EFCAB6: variants seen among roughly 807,000 people sequenced by gnomAD.
The protein encoded by EFCAB6 is EF-hand calcium binding domain 6, also known as EF-hand calcium-binding domain-containing protein 6.
Under a neutral mutation model 169.8 loss-of-function variants are expected in EFCAB6, and 156 were observed. The ratio of observed to expected loss-of-function variants is 0.92; its 90% CI spans 0.81 to 1.05. EFCAB6 has a LOEUF of 1.05. EFCAB6 is among the 50% of genes least tolerant of loss of function. The pLI is 0.00. For missense variants in EFCAB6, 1,800 were observed against 1,829.1 expected (o/e 0.98, Z 0.29); for synonymous variants, 698 against 676.4 (o/e 1.03, Z -0.50).
intron 17 of EFCAB6, among the ~76,000 whole-genome samples, chr22:43,656,068 C>G (rs563836244): frequency 6.6e-6 from 1 of 152,352 alleles, no homozygotes; most frequent in African/African-American, 2.4e-5. Context: ...ACACACTTCA[C>G]TCATCACTTA....
Position 43,540,151 on chromosome 22 carries a change from C to A in EFCAB6, c.3855G>T (p.Gly1285=), listed in dbSNP as rs1298369624. The A allele has an allele frequency of 1.9e-6, 3 of 1,614,044 alleles. No individual in the cohort carries two copies. The highest frequency in any genetic ancestry group is 2.7e-5 in the African/African-American group (2 of 74,928). The change falls in exon 28 of 32, where the codon GGG becomes GGT. Residue 1285 remains glycine (G), a synonymous_variant. Transcript: ENST00000262726. ...LSLPTQELRP[G]SKSQSHPCTP... is the part of the protein sequence containing the mutation. ...CACAGGGGTGGCTCTGCGACTTTGA[C>A]CCTGGTCTCAGCTCCTGAGTGGGCA...
intron 17 of EFCAB6, among the ~76,000 whole-genome samples, chr22:43,660,867 T>C (rs1389845464): frequency 6.6e-6 from 1 of 152,180 alleles, no homozygotes; most frequent in Non-Finnish European, 1.5e-5. Flanking sequence ...GTAGCAGCAA[T>C]ATCTGGACTC....
intron 10 of EFCAB6, among the ~76,000 whole-genome samples, chr22:43,691,393 C>T (rs1332901244): frequency 6.6e-6 from 1 of 151,390 alleles, no homozygotes; most frequent in Non-Finnish European, 1.5e-5. Context: ...GAAATCGCCT[C>T]GCTCTTTGGG....
intron 27 of EFCAB6, among the ~76,000 whole-genome samples, chr22:43,546,600 G>C (rs747795679): frequency 1.4e-4 from 22 of 152,192 alleles, no homozygotes; most frequent in Admixed American, 1.2e-3. Flanking sequence ...GCCGGGCGTG[G>C]TGGCTCACGC....
At chr22:43,777,164 G>A (rs931500130) in intron 3 of EFCAB6, among the ~76,000 whole-genome samples, 7 of 152,210 alleles carry the variant, frequency 4.6e-5, no homozygotes, top group African/African-American at 1.4e-4. Flanking sequence ...TGCTGGACAT[G>A]AGCAATGAGA....
intron 5 of EFCAB6, among the ~76,000 whole-genome samples, chr22:43,756,797 C>T (rs1206214645): frequency 1.3e-5 from 2 of 152,210 alleles, no homozygotes; most frequent in African/African-American, 4.8e-5. Flanking sequence ...GAAGGTCTCT[C>T]TGGCCAAGTG....
intron 9 of EFCAB6, among the ~76,000 whole-genome samples, chr22:43,716,496 A>G (rs1055497887): frequency 1.1e-4 from 16 of 152,212 alleles, no homozygotes; most frequent in African/African-American, 3.9e-4. Context: ...TAGGAAGAAT[A>G]GGTAGTAATA....
intron 5 of EFCAB6, among the ~76,000 whole-genome samples, chr22:43,764,002 A>G (rs982935011): frequency 6.6e-6 from 1 of 152,136 alleles, no homozygotes; most frequent in African/African-American, 2.4e-5. Flanking sequence ...GGCTCAAGTG[A>G]TCCTCTCACC....
rs1182816561 is a variant in EFCAB6, at chr22:43,637,116, G to A, written c.1984-1900C>T. ...TCTGAGCCTTTGTGGAGCCTGAAAG[G>A]ATGGGAGGCCTCTAAGGAGCTGCCC... is the stretch of plus-strand genomic sequence containing the variant. On this transcript the variant is annotated intron_variant, in intron 17 of 31. Transcript: ENST00000262726. Among the ~76,000 whole-genome samples the A allele has an allele frequency of 5.3e-5, 8 of 152,268 alleles. No homozygotes were observed. In the East Asian group the frequency reaches 1.6e-3, roughly 30 times the overall value.
intron 20 of EFCAB6, among the ~76,000 whole-genome samples, chr22:43,621,269 T>G (rs2054098755): frequency 6.6e-6 from 1 of 151,760 alleles, no homozygotes. Context: ...ATTTATTTAT[T>G]TATTGTATCT....
chr22:43,727,579 T>C (rs974564708), intron 8 of EFCAB6, among the ~76,000 whole-genome samples: 16 of 152,192 alleles, frequency 1.1e-4, no homozygotes, highest in African/African-American at 3.9e-4. Flanking sequence ...TATGTGTTTA[T>C]GGTGTATGTA....
intron 9 of EFCAB6, among the ~76,000 whole-genome samples, chr22:43,716,020 G>A (rs1009771229): frequency 2.6e-5 from 4 of 152,114 alleles, no homozygotes; most frequent in African/African-American, 9.7e-5. Context: ...ACAAAGTTTT[G>A]CTGTATAAAG....
chr22:43,771,304 G>A (rs898499784), intron 4 of EFCAB6, among the ~76,000 whole-genome samples: 5 of 152,220 alleles, frequency 3.3e-5, no homozygotes, highest in Non-Finnish European at 5.9e-5. Flanking sequence ...GGTGGCACAT[G>A]CCTGTAATCC....
intron 17 of EFCAB6, among the ~76,000 whole-genome samples, chr22:43,641,810 T>C (rs1240232032): frequency 1.3e-5 from 2 of 152,138 alleles, no homozygotes; most frequent in Non-Finnish European, 2.9e-5. Flanking sequence ...AGTCTTCTCT[T>C]AATACTACAC....
chr22:43,780,659 T>C (rs2061792089), intron 3 of EFCAB6, among the ~76,000 whole-genome samples: 1 of 152,162 alleles, frequency 6.6e-6, no homozygotes, highest in Non-Finnish European at 1.5e-5. Context: ...TGATGTATTT[T>C]GATGTCAGAA....
chr22:43,744,284 G>C lies in EFCAB6; in HGVS notation c.508-8291C>G, dbSNP rs1044124097. On this transcript the variant is annotated intron_variant, in intron 6 of 31. Transcript: ENST00000262726. The surrounding 1 kb of genome is among the most constrained non-coding windows in gnomAD (Gnocchi z 4.3). ...TGGATGGATGAGTGGGTGGGTAGGT[G>C]GGGAGATTGCAAGCCAAGACAATCC... Among the ~76,000 whole-genome samples the C allele has an allele frequency of 6.6e-6, 1 of 152,088 alleles. No homozygotes were observed. Among genetic ancestry groups the C allele is most frequent in the Non-Finnish European group, 1.5e-5 (1 of 68,016 alleles).
rs185193355 is a variant in EFCAB6 at position 43,651,345 on chromosome 22, G to T, written c.1983+15759C>A. On this transcript the variant is annotated intron_variant, in intron 17 of 31. Coordinates refer to ENST00000262726, the MANE Select transcript of EFCAB6 (RefSeq NM_022785.4). ...CAGAGGGACCAAGCCTCAAGCCTTG[G>T]CAGCTTCCACATGGTGTTGAGCCTG... Among the ~76,000 whole-genome samples, 65 of 152,370 alleles carry T rather than the reference G, an allele frequency of 4.3e-4. 1 individual carries two copies. The Middle Eastern group carries it at 0.02, about 48-fold the overall frequency.
intron 5 of EFCAB6, among the ~76,000 whole-genome samples, chr22:43,758,825 C>G (rs2061047827): frequency 6.6e-6 from 1 of 152,276 alleles, no homozygotes; most frequent in Non-Finnish European, 1.5e-5. Flanking sequence ...TGTTTTCTTA[C>G]TTTTTATGTC....
In EFCAB6 at chr22:43,580,465, G is replaced by T. The variant is rs373683883; in HGVS notation, c.3227C>A (p.Thr1076Lys). ...VVESSQLALS[T>K]AFSALDKEDT... ...TAAAGCACTTTCAGCCTGTCATACCGTGGACAAAGCCAGCTGGGAGGACTC... is the reference window on the plus strand; with the variant it reads ...TAAAGCACTTTCAGCCTGTCATACCTTGGACAAAGCCAGCTGGGAGGACTC... Residue 1076 changes from threonine (T) to lysine (K), a missense_variant and splice_region_variant, in exon 25 of 32, where the codon ACG becomes AAG. Thr to Lys is a moderately conservative substitution (Grantham distance 78). Transcript: ENST00000262726. The T allele has an allele frequency of 6.2e-7, 1 of 1,613,994 alleles. No individual in the cohort carries two copies. Among genetic ancestry groups the T allele is most frequent in the Non-Finnish European group, 8.5e-7 (1 of 1,179,938 alleles).
Sources: gnomAD v4.1 joint callset for allele counts (sites outside exome capture counted in the v4.1 genomes callset) on GRCh38, gnomAD v4.1.1 for gene constraint, Gnocchi (gnomAD v3.1) non-coding constraint, MANE v1.5 for transcripts, NCBI Gene and HGNC (gene_info 2026-07-23, HGNC 2026-07-21) for gene names.